SYT1: variants seen among roughly 807,000 people sequenced by gnomAD.
The protein encoded by SYT1 is synaptotagmin 1.
SYT1 carries 8 observed loss-of-function variants against 44.8 expected under a neutral mutation model. The observed-to-expected ratio is 0.18, with a 90% confidence interval of 0.10 to 0.32. The LOEUF (loss-of-function observed/expected upper bound fraction) is 0.32, where lower values mean the gene tolerates loss of function less well. Among genes scored for constraint, SYT1 ranks in the 10% least tolerant of loss-of-function variants. The probability of loss-of-function intolerance (pLI) is 1.00; values close to 1 mark genes in which losing one functional copy is unlikely to be tolerated. For missense variants in SYT1, 286 were observed against 509.3 expected, an observed-to-expected ratio of 0.56 and a Z score of 4.22; for synonymous variants, 154 against 188.8, an observed-to-expected ratio of 0.82 and a Z score of 1.51.
At chr12:79,019,565 C>T (rs967876248) in intron 2 of SYT1, among the ~76,000 whole-genome samples, 1 of 151,920 alleles carries the variant, frequency 6.6e-6, no homozygotes, top group African/African-American at 2.4e-5. Flanking sequence ...CAAGGATAAT[C>T]AACATGAGAG....
chr12:79,261,129 A>C (rs1048547587), intron 4 of SYT1, among the ~76,000 whole-genome samples: 15 of 152,342 alleles, frequency 9.8e-5, no homozygotes, highest in African/African-American at 3.6e-4. Context: ...TTCTTCAAAC[A>C]GAAATAATAG....
At chr12:79,267,086 A>T (rs1265148727) in intron 4 of SYT1, among the ~76,000 whole-genome samples, 1 of 152,208 alleles carries the variant, frequency 6.6e-6, no homozygotes, top group Admixed American at 6.5e-5. Context: ...CTAGAATCTT[A>T]AAAGAAAGGT....
intron 2 of SYT1, among the ~76,000 whole-genome samples, chr12:78,982,322 C>T (rs527849865): frequency 1.0e-3 from 152 of 152,220 alleles, no homozygotes; most frequent in Middle Eastern, 3.4e-3. Flanking sequence ...GTCTAAATCT[C>T]CATTACTAGT....
intron 1 of SYT1, among the ~76,000 whole-genome samples, chr12:78,935,839 TAA>T (rs1878023395): frequency 6.6e-6 from 1 of 152,108 alleles, no homozygotes; most frequent in South Asian, 2.1e-4. Flanking sequence ...AAATTTGTTG[TAA>T]AGTCATTTGA....
At chr12:79,211,027 T>C (rs1874414862) in intron 3 of SYT1, among the ~76,000 whole-genome samples, 3 of 152,054 alleles carry the variant, frequency 2.0e-5, no homozygotes, top group Admixed American at 1.3e-4. Context: ...AAGATTTTTT[T>C]TCTTTTTGTA....
chr12:79,050,314 G>A (rs1179216994), intron 3 of SYT1, among the ~76,000 whole-genome samples: 1 of 151,298 alleles, frequency 6.6e-6, no homozygotes, highest in Admixed American at 6.6e-5. Context: ...CTGAGGAGGA[G>A]AAGGAAGAGG....
At chr12:79,360,623 T>C (rs985336352) in intron 9 of SYT1, among the ~76,000 whole-genome samples, 1 of 152,178 alleles carries the variant, frequency 6.6e-6, no homozygotes, top group Non-Finnish European at 1.5e-5. Flanking sequence ...AGCAATAATA[T>C]GCAAATAAAC....
intron 8 of SYT1, among the ~76,000 whole-genome samples, chr12:79,344,483 C>T (rs755039231): frequency 2.0e-5 from 3 of 152,278 alleles, no homozygotes; most frequent in East Asian, 3.9e-4. Flanking sequence ...GACAGGGTCT[C>T]GCTCTGTCTC....
At chr12:79,377,849 T>TCC (rs1884063854) in intron 9 of SYT1, among the ~76,000 whole-genome samples, 1 of 152,160 alleles carries the variant, frequency 6.6e-6, no homozygotes, top group African/African-American at 2.4e-5. Context: ...TAGGGACATA[T>TCC]TAAGCCTATG....
At chr12:79,394,839 T>C (rs895214312) in intron 9 of SYT1, among the ~76,000 whole-genome samples, 1 of 152,212 alleles carries the variant, frequency 6.6e-6, no homozygotes, top group African/African-American at 2.4e-5. Flanking sequence ...ATGAAATAGC[T>C]ACACAATACA....
chr12:79,200,918 A>G (rs1873748308), intron 3 of SYT1, among the ~76,000 whole-genome samples: 1 of 152,182 alleles, frequency 6.6e-6, no homozygotes, highest in African/African-American at 2.4e-5. Flanking sequence ...AGCCAGATAA[A>G]TATCTAATTG....
At chr12:79,033,893 TA>T (rs1387323367) in intron 2 of SYT1, among the ~76,000 whole-genome samples, 2 of 151,530 alleles carry the variant, frequency 1.3e-5, no homozygotes, top group Admixed American at 1.3e-4. Context: ...TCATATTTTA[TA>T]GACTATAATT....
intron 8 of SYT1, among the ~76,000 whole-genome samples, chr12:79,342,954 A>G (rs1225682623): frequency 3.3e-5 from 5 of 152,220 alleles, no homozygotes; most frequent in Non-Finnish European, 7.3e-5. Context: ...TCCATATTAT[A>G]ACTAAAACCA....
chr12:78,891,277 G>A (rs546535204), intron 1 of SYT1, among the ~76,000 whole-genome samples: 8 of 151,894 alleles, frequency 5.3e-5, no homozygotes, highest in African/African-American at 1.7e-4. Context: ...ACTAATCATA[G>A]CAACACTATT....
chr12:79,448,825 C>T, intron 10 of SYT1, 93 bp from the exon 11 acceptor site: 2 of 1,115,622 alleles, frequency 1.8e-6, no homozygotes, highest in Non-Finnish European at 2.6e-6. Context: ...ATTGATTCTT[C>T]TATTTCCAAT....
At chr12:78,897,865 A>G (rs1875447160) in intron 1 of SYT1, among the ~76,000 whole-genome samples, 2 of 151,986 alleles carry the variant, frequency 1.3e-5, no homozygotes, top group Non-Finnish European at 2.9e-5. Flanking sequence ...GTTAGTGTAC[A>G]CAGCACCTCT....
intron 3 of SYT1, among the ~76,000 whole-genome samples, chr12:79,048,165 CA>C (rs1358205779): frequency 6.6e-6 from 1 of 151,636 alleles, no homozygotes; most frequent in African/African-American, 2.4e-5. Flanking sequence ...TCAAAAGTTT[CA>C]AACAAATATT....
chr12:79,109,451 A>G (rs888891817), intron 3 of SYT1, among the ~76,000 whole-genome samples: 1 of 152,124 alleles, frequency 6.6e-6, no homozygotes, highest in African/African-American at 2.4e-5. Flanking sequence ...GCCAACACCT[A>G]CGCCCAGCTA....
At chr12:78,975,304 C>T (rs1868741718) in intron 1 of SYT1, among the ~76,000 whole-genome samples, 1 of 152,138 alleles carries the variant, frequency 6.6e-6, no homozygotes, top group African/African-American at 2.4e-5. Flanking sequence ...AAATACCCCT[C>T]CTCAGATTGC....
Sources: gnomAD v4.1 joint callset for allele counts (sites outside exome capture counted in the v4.1 genomes callset) on GRCh38, gnomAD v4.1.1 for gene constraint, MANE v1.5 for transcripts, NCBI Gene and HGNC (gene_info 2026-07-23, HGNC 2026-07-21) for gene names.